Variants in ATP1A1 observed in about 807,000 individuals in gnomAD.
ATP1A1 encodes ATPase Na+/K+ transporting subunit alpha 1, also known as sodium/potassium-transporting ATPase subunit alpha-1.
ATP1A1 carries 14 observed loss-of-function variants against 114.8 expected under a neutral mutation model. The observed-to-expected ratio is 0.12, with a 90% confidence interval of 0.08 to 0.19. The LOEUF (loss-of-function observed/expected upper bound fraction) is 0.19, where lower values mean the gene tolerates loss of function less well. Among genes scored for constraint, ATP1A1 ranks in the 10% least tolerant of loss-of-function variants. ATP1A1 has a pLI of 1.00. For synonymous variants in ATP1A1, 471 were observed against 466.3 expected, an observed-to-expected ratio of 1.01 and a Z score of -0.13; for missense variants, 524 against 1,290.7, an observed-to-expected ratio of 0.41 and a Z score of 9.10.
Position 116,373,355 on chromosome 1 carries a change from A to C in ATP1A1, c.-157A>C. 14 of 625,338 alleles carry C rather than the reference A, an allele frequency of 2.2e-5. No individual in the cohort carries two copies. The highest frequency in any genetic ancestry group is 4.9e-5 in the Admixed American group (1 of 20,328). The allele number at this position is 625,338 out of a possible 1,614,324, so 38.7% of individuals were successfully genotyped here. A position where few individuals can be genotyped will look rare whatever the true frequency, so the allele number is the denominator to read the frequency against. On this transcript the variant is annotated 5_prime_UTR_variant, in exon 1 of 23. Transcript: ENST00000295598. ...CAACAGCGGCGGCGGCATCGGCCCG[A>C]GCCGCCGGCCGCCCTCCCACCCTCC...
chr1:116,394,258 A>T (rs571051557), intron 12 of ATP1A1, among the ~76,000 whole-genome samples: 25 of 152,298 alleles, frequency 1.6e-4, no homozygotes, highest in Admixed American at 4.6e-4. Flanking sequence ...TGAGGCTGAG[A>T]AGTTCACTTT....
At position 116,404,447 on chromosome 1, in the gene ATP1A1, C is replaced by G; in HGVS notation, c.*3C>G. ...TGGAGAAGGAAACCTACTATTAGCC[C>G]CCCGTCCTGCACGCCGTGGAGCATC... On this transcript the variant is annotated 3_prime_UTR_variant, in exon 23 of 23. Coordinates refer to ENST00000295598, the MANE Select transcript of ATP1A1 (RefSeq NM_000701.8). The surrounding 1 kb of genome is among the most constrained non-coding windows in gnomAD (Gnocchi z 4.8). 2.5e-6 allele frequency: 4 copies of G among 1,611,656 alleles called. No individual in the cohort carries two copies. Among genetic ancestry groups the G allele is most frequent in the Non-Finnish European group, 3.4e-6 (4 of 1,179,276 alleles).
chr1:116,383,305 CTT>C, intron 1 of ATP1A1: 1 of 1,062,312 alleles, frequency 9.4e-7, no homozygotes, highest in Non-Finnish European at 1.2e-6. Flanking sequence ...CTTAGGCTGA[CTT>C]TTTAATATGG....
chr1:116,393,861 T>C lies in ATP1A1; in HGVS notation c.1660+138T>C. 2.5e-6 allele frequency: 2 copies of C among 806,762 alleles called. No homozygotes were observed. Among genetic ancestry groups the C allele is most frequent in the Non-Finnish European group, 3.8e-6 (2 of 528,002 alleles). The allele number at this position is 806,762 out of a possible 1,614,324, so 50.0% of individuals were successfully genotyped here. On this transcript the variant is annotated intron_variant, in intron 12 of 22. Transcript: ENST00000295598. This position sits in a 1 kb window ranked among gnomAD's most constrained non-coding sequence, Gnocchi z 5.0. The stretch of plus-strand genomic sequence containing the variant: ...CTACATCTTTTAGGGGCAATCCTCC[T>C]ATTTGTTTATTTGCCCCCTATTATT...
rs1440336243 is a variant in ATP1A1 at position 116,396,579 on chromosome 1, A to C, written c.1837-19A>C. 1.2e-6 allele frequency: 2 copies of C among 1,612,416 alleles called. No individual in the cohort carries two copies. Among genetic ancestry groups the C allele is most frequent in the Non-Finnish European group, 1.7e-6 (2 of 1,179,298 alleles). ...TTTACTTGGCAGTTGCATTCAACAC[A>C]TTGTCTTGTTTATTACAGGTCATCA... On this transcript the variant is annotated intron_variant, in intron 13 of 22. Coordinates refer to ENST00000295598, the MANE Select transcript of ATP1A1 (RefSeq NM_000701.8).
At chr1:116,391,967 C>T (rs1231965702) in intron 10 of ATP1A1, among the ~76,000 whole-genome samples, 3 of 152,060 alleles carry the variant, frequency 2.0e-5, no homozygotes, top group African/African-American at 4.8e-5. Flanking sequence ...TTAAAAATGG[C>T]TTTTATTAAA....
chr1:116,400,325 G>C (rs1653339271), intron 18 of ATP1A1, among the ~76,000 whole-genome samples: 1 of 152,200 alleles, frequency 6.6e-6, no homozygotes, highest in Non-Finnish European at 1.5e-5. Flanking sequence ...TGAGAGGAAG[G>C]AAGACTAGGT....
Position 116,399,588 on chromosome 1 carries a change from T to C in ATP1A1, c.2572+45T>C. 6.2e-7 allele frequency: 1 copy of C among 1,610,666 alleles called. No individual in the cohort carries two copies. Among genetic ancestry groups the C allele is most frequent in the Non-Finnish European group, 8.5e-7 (1 of 1,178,152 alleles). On this transcript the variant is annotated intron_variant, in intron 18 of 22. Transcript: ENST00000295598. This position sits in a 1 kb window ranked among gnomAD's most constrained non-coding sequence, Gnocchi z 5.0. ...GGGAAGCTGGCACATCTAAGGCATC[T>C]GAGGTGATGGTGTCCACCTCAGGTT...
rs1652802729 is a variant in ATP1A1, at chr1:116,395,117, C to T, written c.1668C>T (p.Cys556=). The change falls in exon 13 of 23, where the codon TGC becomes TGT. Residue 556 remains cysteine, a synonymous_variant. Transcript: ENST00000295598. The surrounding 1 kb of genome is among the most constrained non-coding windows in gnomAD (Gnocchi z 6.4). ...CTCCTGTCCTCCTCGCAGGTTTCTG[C>T]CACCTCTTTCTGCCAGATGAACAGT... ...GGLGERVLGF[C]HLFLPDEQFP... 1 of 1,613,638 alleles carries T rather than the reference C, an allele frequency of 6.2e-7. No individual in the cohort carries two copies. The highest frequency in any genetic ancestry group is 2.2e-5 in the East Asian group (1 of 44,848).
At chr1:116,379,764 A>G (rs1360198216) in intron 1 of ATP1A1, among the ~76,000 whole-genome samples, 1 of 152,152 alleles carries the variant, frequency 6.6e-6, no homozygotes, top group African/African-American at 2.4e-5. Context: ...TACATACACA[A>G]TTGTGTTGGA....
In ATP1A1 at chr1:116,401,320, A is replaced by G. The variant is rs1653457346; in HGVS notation, c.2849+60A>G. 3.1e-6 allele frequency: 5 copies of G among 1,605,676 alleles called. No individual in the cohort carries two copies. Among genetic ancestry groups the G allele is most frequent in the Non-Finnish European group, 3.4e-6 (4 of 1,173,380 alleles). On this transcript the variant is annotated intron_variant, in intron 20 of 22. Coordinates refer to ENST00000295598, the MANE Select transcript of ATP1A1 (RefSeq NM_000701.8). The surrounding 1 kb of genome is among the most constrained non-coding windows in gnomAD (Gnocchi z 4.7). The stretch of plus-strand genomic sequence containing the variant: ...AAAGAAGGGGACTGGTGATTTGTAA[A>G]CCCTTTGCCAAAAACTAAACATATG...
At position 116,398,232 on chromosome 1, in the gene ATP1A1, A is replaced by G. The variant is rs569086956; in HGVS notation, c.2124+194A>G. On this transcript the variant is annotated intron_variant, in intron 15 of 22. Transcript: ENST00000295598. The surrounding 1 kb of genome is among the most constrained non-coding windows in gnomAD (Gnocchi z 6.1). ...GGTTTAGCAGTGACAGAAGCACTTT[A>G]AAGTCCAGGTGTCCACTGTGTCCCA... Among the ~76,000 whole-genome samples, 17 of 152,324 alleles carry G rather than the reference A, an allele frequency of 1.1e-4. No individual in the cohort carries two copies. The East Asian group carries it at 2.7e-3, about 24-fold the overall frequency.
Position 116,385,092 on chromosome 1 carries a change from A to G in ATP1A1, c.183+250A>G. The G allele has an allele frequency of 2.3e-6, 1 of 437,812 alleles. No homozygotes were observed. Among genetic ancestry groups the G allele is most frequent in the East Asian group, 5.0e-5 (1 of 20,156 alleles). The allele number at this position is 437,812 out of a possible 1,614,324, so 27.1% of individuals were successfully genotyped here. A position where few individuals can be genotyped will look rare whatever the true frequency, so the allele number is the denominator to read the frequency against. ...AGCAGTTGAGAGCCAGTAAGTGGGA[A>G]CACCAGGACTTGCAGTTGGCTTCAA... is the stretch of plus-strand genomic sequence containing the variant. On this transcript the variant is annotated intron_variant, in intron 3 of 22. Transcript: ENST00000295598. This position sits in a 1 kb window ranked among gnomAD's most constrained non-coding sequence, Gnocchi z 4.3.
At chr1:116,402,199 A>C (rs1397712003) in intron 21 of ATP1A1, among the ~76,000 whole-genome samples, 1 of 151,832 alleles carries the variant, frequency 6.6e-6, no homozygotes, top group Admixed American at 6.5e-5. Context: ...CCTTAAACAC[A>C]GTGAATGACT....
intron 1 of ATP1A1, 37 bp from the exon 2 acceptor site, chr1:116,383,977 T>G: frequency 6.4e-7 from 1 of 1,563,950 alleles, no homozygotes; most frequent in East Asian, 2.2e-5. Context: ...ATGAGGTTCA[T>G]AATTCATGGC....
chr1:116,378,245 A>G (rs1651492738), intron 1 of ATP1A1, among the ~76,000 whole-genome samples: 1 of 152,230 alleles, frequency 6.6e-6, no homozygotes, highest in Non-Finnish European at 1.5e-5. Context: ...TTTTTGATCA[A>G]TAGACCTCAT....
intron 1 of ATP1A1, among the ~76,000 whole-genome samples, chr1:116,378,185 C>T (rs1651490184): frequency 6.6e-6 from 1 of 152,180 alleles, no homozygotes; most frequent in Admixed American, 6.5e-5. Context: ...TACCCTTCAC[C>T]CTACACTTTC....
At position 116,384,601 on chromosome 1, in the gene ATP1A1, A is replaced by T. The variant is rs184612181; in HGVS notation, c.124-182A>T. Among the ~76,000 whole-genome samples the T allele has an allele frequency of 6.6e-6, 1 of 152,254 alleles. No homozygotes were observed. The highest frequency in any genetic ancestry group is 2.4e-5 in the African/African-American group (1 of 41,470). ...GCCATTCTCCAGTGAAGAGCTGTCA[A>T]TGATAACTGTGTGGTTGCAAAGCCA... is the stretch of plus-strand genomic sequence containing the variant. On this transcript the variant is annotated intron_variant, in intron 2 of 22. Coordinates refer to ENST00000295598, the MANE Select transcript of ATP1A1 (RefSeq NM_000701.8). This position sits in a 1 kb window ranked among gnomAD's most constrained non-coding sequence, Gnocchi z 5.1.
chr1:116,400,362 C>T (rs1653343121), intron 18 of ATP1A1, among the ~76,000 whole-genome samples: 1 of 152,038 alleles, frequency 6.6e-6, no homozygotes, highest in Non-Finnish European at 1.5e-5. Flanking sequence ...TGAAACCCTG[C>T]CCTGAGGAAC....
Sources: allele counts gnomAD v4.1 joint callset (sites outside exome capture counted in the v4.1 genomes callset), GRCh38; gene constraint gnomAD v4.1.1; non-coding constraint Gnocchi (gnomAD v3.1); transcripts MANE v1.5; gene names NCBI Gene and HGNC (gene_info 2026-07-23, HGNC 2026-07-21).